RAPGEF5: variants seen among roughly 807,000 people sequenced by gnomAD.
RAPGEF5 encodes the protein Rap guanine nucleotide exchange factor 5.
Under a neutral mutation model 125.2 loss-of-function variants are expected in RAPGEF5, and 65 were observed. That is an observed-to-expected ratio of 0.52 (90% CI 0.43 to 0.64). The LOEUF is 0.64. Among genes scored for constraint, RAPGEF5 ranks in the 30% least tolerant of loss-of-function variants. The pLI is 0.00. For missense variants in RAPGEF5, 958 were observed against 1,048.1 expected (o/e 0.91, Z 1.19); for synonymous variants, 391 against 385.9 (o/e 1.01, Z -0.16).
chr7:22,214,710 G>A (rs764727403), intron 9 of RAPGEF5, among the ~76,000 whole-genome samples: 7 of 124,908 alleles, frequency 5.6e-5, no homozygotes, highest in South Asian at 2.8e-4. Flanking sequence ...CCCTCCCTAC[G>A]TATTCTTTCT....
chr7:22,203,946 A>G (rs1483906231), intron 9 of RAPGEF5, among the ~76,000 whole-genome samples: 1 of 152,224 alleles, frequency 6.6e-6, no homozygotes, highest in African/African-American at 2.4e-5. Context: ...AAAGGGAAAA[A>G]AATTGCCAGT....
chr7:22,134,965 A>T (rs1205435187), intron 23 of RAPGEF5, among the ~76,000 whole-genome samples: 4 of 152,204 alleles, frequency 2.6e-5, no homozygotes, highest in African/African-American at 9.6e-5. Context: ...TTCTTGCTTC[A>T]TATTTGATGA....
rs572668788 is a variant in RAPGEF5 at position 22,262,762 on chromosome 7, C to T, written c.796+4202G>A. Among the ~76,000 whole-genome samples the T allele has an allele frequency of 3.3e-5, 5 of 152,270 alleles. No individual in the cohort carries two copies. In the East Asian group the frequency reaches 9.6e-4, roughly 29 times the overall value. On this transcript the variant is annotated intron_variant, in intron 7 of 25. Coordinates refer to ENST00000665637, the MANE Select transcript of RAPGEF5 (RefSeq NM_012294.5). Reference sequence around the variant, plus strand: ...CACTATTCAGCAATGAAAAAGAAAGCACTCAGCCTGAGCAACGTAGTGAGA... The same window carrying T: ...CACTATTCAGCAATGAAAAAGAAAGTACTCAGCCTGAGCAACGTAGTGAGA...
At chr7:22,296,333 A>T (rs1783059149) in intron 5 of RAPGEF5, among the ~76,000 whole-genome samples, 1 of 152,076 alleles carries the variant, frequency 6.6e-6, no homozygotes, top group Non-Finnish European at 1.5e-5. Flanking sequence ...AGAAGGGGGG[A>T]TGACACACAA....
At position 22,179,988 on chromosome 7, in the gene RAPGEF5, C is replaced by A. The variant is rs564906308; in HGVS notation, c.1205-12840G>T. On this transcript the variant is annotated intron_variant, in intron 11 of 25. Transcript: ENST00000665637. ...TCTGCCTATGGAGTAGCCATTCTTT[C>A]GTTTCTCTACTTCTCTAACAAAGTT... is the stretch of plus-strand genomic sequence containing the variant. 1.9e-4 allele frequency among the ~76,000 whole-genome samples: 29 copies of A among 152,262 alleles called. 1 individual carries two copies. The highest frequency in any genetic ancestry group is 8.3e-4 in the South Asian group (4 of 4,828).
At chr7:22,185,540 G>A (rs755206733) in intron 11 of RAPGEF5, among the ~76,000 whole-genome samples, 1 of 152,186 alleles carries the variant, frequency 6.6e-6, no homozygotes, top group Non-Finnish European at 1.5e-5. Context: ...TAGTAATTAG[G>A]AGAGAAGCTC....
intron 23 of RAPGEF5, 121 bp downstream of exon 23, chr7:22,135,917 G>T: frequency 1.5e-6 from 1 of 687,268 alleles, no homozygotes; most frequent in Non-Finnish European, 2.4e-6. Context: ...ACACAATTAG[G>T]TCTGAATGTC....
intron 7 of RAPGEF5, among the ~76,000 whole-genome samples, chr7:22,242,542 G>T (rs1786357820): frequency 6.6e-6 from 1 of 152,172 alleles, no homozygotes; most frequent in Admixed American, 6.5e-5. Flanking sequence ...AGAGTGACTG[G>T]CATGGTCCAT....
intron 9 of RAPGEF5, chr7:22,194,530 C>T (rs1785099900): frequency 1.1e-6 from 1 of 918,522 alleles, no homozygotes; most frequent in Non-Finnish European, 1.3e-6. Flanking sequence ...TACTTTACAC[C>T]CTTACTTTAA....
chr7:22,219,962 T>G lies in RAPGEF5; in HGVS notation c.900A>C (p.Arg300Ser), dbSNP rs1785742803. 1 of 1,613,656 alleles carries G rather than the reference T, an allele frequency of 6.2e-7. No individual in the cohort carries two copies. The highest frequency in any genetic ancestry group is 1.3e-5 in the African/African-American group (1 of 75,034). ...QAGVMCKLQE[R>S]DEIGRIELVQ... ...CTAGTTCAATTCGTCCGATTTCATC[T>G]CTTTCCTGGAGCTTGCACATCACCC... The change falls in exon 9 of 26, where the codon AGA (arginine) becomes AGC (serine). Residue 300 changes from arginine (R) to serine (S), a missense_variant. By Grantham distance (110) the Arg-to-Ser change is moderately radical. Transcript: ENST00000665637.
intron 12 of RAPGEF5, among the ~76,000 whole-genome samples, chr7:22,165,550 A>T (rs2128114078): frequency 6.6e-6 from 1 of 152,350 alleles, no homozygotes; most frequent in South Asian, 2.1e-4. Flanking sequence ...GAAACTTTCC[A>T]AATTCAAAAC....
chr7:22,162,620 A>C, intron 12 of RAPGEF5, 79 bp from the exon 13 acceptor site: 4 of 1,332,198 alleles, frequency 3.0e-6, no homozygotes, highest in Non-Finnish European at 2.1e-6. Context: ...TTTTTACAAA[A>C]TATGTGAAGG....
intron 13 of RAPGEF5, among the ~76,000 whole-genome samples, chr7:22,161,372 T>C (rs1420890949): frequency 6.6e-6 from 1 of 152,064 alleles, no homozygotes; most frequent in Non-Finnish European, 1.5e-5. Context: ...ACTCTATCTC[T>C]ACTAAAAAGA....
At chr7:22,356,796 C>T in intron 1 of RAPGEF5, 34 bp downstream of exon 1, 1 of 1,122,414 alleles carries the variant, frequency 8.9e-7, no homozygotes, top group Non-Finnish European at 1.1e-6. Context: ...GTGCGCGCCG[C>T]CCGTGCCCAC....
intron 1 of RAPGEF5, among the ~76,000 whole-genome samples, chr7:22,319,329 T>C (rs1426580512): frequency 6.6e-6 from 1 of 152,198 alleles, no homozygotes; most frequent in Admixed American, 6.5e-5. Context: ...AGTCATCACT[T>C]TCCAGCATCT....
At chr7:22,323,921 A>G (rs1783764436) in intron 1 of RAPGEF5, among the ~76,000 whole-genome samples, 1 of 152,212 alleles carries the variant, frequency 6.6e-6, no homozygotes, top group African/African-American at 2.4e-5. Context: ...ACAGAAAACC[A>G]CCTTAGGCAA....
chr7:22,300,334 T>A (rs1783168475), intron 5 of RAPGEF5, among the ~76,000 whole-genome samples: 1 of 152,254 alleles, frequency 6.6e-6, no homozygotes, highest in East Asian at 1.9e-4. Context: ...GACTAACAAC[T>A]TCTATCCCTC....
chr7:22,200,399 T>C (rs527865639), intron 9 of RAPGEF5, among the ~76,000 whole-genome samples: 2 of 152,294 alleles, frequency 1.3e-5, no homozygotes, highest in South Asian at 4.1e-4. Context: ...TATGTCAAGG[T>C]GAGCCACTTA....
At chr7:22,135,367 C>T (rs1279750229) in intron 23 of RAPGEF5, among the ~76,000 whole-genome samples, 1 of 152,144 alleles carries the variant, frequency 6.6e-6, no homozygotes, top group African/African-American at 2.4e-5. Context: ...GCGGTATACA[C>T]CAGATTAAAA....
Sources: gnomAD v4.1 joint callset for allele counts (sites outside exome capture counted in the v4.1 genomes callset) on GRCh38, gnomAD v4.1.1 for gene constraint, MANE v1.5 for transcripts, NCBI Gene and HGNC (gene_info 2026-07-23, HGNC 2026-07-21) for gene names.